DLGAP1: variants seen among roughly 807,000 people sequenced by gnomAD.
DLGAP1 encodes the protein DLG associated protein 1.
DLGAP1 carries 11 observed loss-of-function variants against 90.8 expected under a neutral mutation model. The observed-to-expected ratio is 0.12, with a 90% CI of 0.08 to 0.20. The LOEUF is 0.20. Ranked by LOEUF, DLGAP1 falls within the 10% of genes least tolerant of loss-of-function variation. The probability of loss-of-function intolerance (pLI) is 1.00; values close to 1 mark genes in which losing one functional copy is unlikely to be tolerated. For missense variants in DLGAP1, 1,050 were observed against 1,333.8 expected (o/e 0.79, Z 3.31); for synonymous variants, 558 against 540.7 (o/e 1.03, Z -0.44).
At chr18:4,259,402 A>T (rs1377686588) in intron 1 of DLGAP1, among the ~76,000 whole-genome samples, 1 of 152,236 alleles carries the variant, frequency 6.6e-6, no homozygotes, top group African/African-American at 2.4e-5. Context: ...CCTAACTCAT[A>T]CACAGATTGG....
intron 5 of DLGAP1, among the ~76,000 whole-genome samples, chr18:3,796,982 G>C (rs1234529198): frequency 6.6e-6 from 1 of 152,152 alleles, no homozygotes. Flanking sequence ...GAGGCAATTA[G>C]GTTTAGATGT....
Position 3,968,150 on chromosome 18 carries a change from T to C in DLGAP1, c.-73+36966A>G, listed in dbSNP as rs2073368500. ...TTAGATGAAGGAGACATAACTGCTC[T>C]AATCTGAGCATAAATTTACTGGGAC... On this transcript the variant is annotated intron_variant, in intron 3 of 12. Coordinates refer to ENST00000315677, the MANE Select transcript of DLGAP1 (RefSeq NM_004746.4). Among the ~76,000 whole-genome samples, 2 of 152,248 alleles carry C rather than the reference T, an allele frequency of 1.3e-5. 1 individual carries two copies. Among genetic ancestry groups the C allele is most frequent in the South Asian group, 4.1e-4 (2 of 4,834 alleles).
chr18:3,794,576 G>A (rs1460253581), intron 5 of DLGAP1, among the ~76,000 whole-genome samples: 3 of 152,202 alleles, frequency 2.0e-5, no homozygotes, highest in Non-Finnish European at 4.4e-5. Flanking sequence ...TATGTATAAA[G>A]AGAGCTTCTC....
chr18:3,515,468 C>CAAAAA (rs55870741), intron 10 of DLGAP1, among the ~76,000 whole-genome samples: 861 of 72,476 alleles, frequency 0.012, 29 homozygotes, highest in African/African-American at 0.016. Context: ...GATTCCATCT[C>CAAAAA]AAAAAAAAAA....
chr18:4,149,155 G>A (rs186260489), intron 2 of DLGAP1, among the ~76,000 whole-genome samples: 26 of 152,286 alleles, frequency 1.7e-4, no homozygotes, highest in African/African-American at 6.0e-4. Context: ...ATAATTAAAT[G>A]TTGTTATATT....
At chr18:3,938,267 C>A (rs552372173) in intron 3 of DLGAP1, among the ~76,000 whole-genome samples, 2 of 152,260 alleles carry the variant, frequency 1.3e-5, no homozygotes, top group South Asian at 4.1e-4. Context: ...CAGAAGAATG[C>A]ATGGGGGTTG....
intron 2 of DLGAP1, among the ~76,000 whole-genome samples, chr18:4,072,037 G>C (rs868673031): frequency 2.0e-5 from 3 of 152,160 alleles, no homozygotes; most frequent in African/African-American, 7.2e-5. Flanking sequence ...CTTGGTTCCT[G>C]TGGCTGCCTT....
chr18:3,706,544 T>C (rs1484700988), intron 7 of DLGAP1, among the ~76,000 whole-genome samples: 1 of 152,136 alleles, frequency 6.6e-6, no homozygotes, highest in Non-Finnish European at 1.5e-5. Flanking sequence ...GGATATAAAT[T>C]TTCTTACCCA....
rs1231668423 is a variant in DLGAP1, at chr18:3,724,808, C to T, written c.1591+4327G>A. ...TTCCCAGCTACCTGAGTTCAGGAGG[C>T]TGAGGTGGAGGATCGCAGTCCAGGA... On this transcript the variant is annotated intron_variant, in intron 7 of 12. Coordinates refer to ENST00000315677, the MANE Select transcript of DLGAP1 (RefSeq NM_004746.4). Among the ~76,000 whole-genome samples the T allele has an allele frequency of 4.6e-5, 7 of 151,482 alleles. No homozygotes were observed. The East Asian group carries it at 1.4e-3, about 29-fold the overall frequency.
intron 7 of DLGAP1, among the ~76,000 whole-genome samples, chr18:3,591,629 A>G (rs2056252947): frequency 6.6e-6 from 1 of 151,868 alleles, no homozygotes; most frequent in African/African-American, 2.4e-5. Flanking sequence ...CTGAAGCCCA[A>G]AAGATTGAGG....
intron 7 of DLGAP1, among the ~76,000 whole-genome samples, chr18:3,587,055 G>T (rs2055929082): frequency 2.6e-5 from 4 of 152,174 alleles, no homozygotes; most frequent in Admixed American, 1.3e-4. Flanking sequence ...ATTTGTTTAA[G>T]AGTGACGTTC....
intron 3 of DLGAP1, among the ~76,000 whole-genome samples, chr18:3,955,790 T>C (rs1332536543): frequency 6.6e-6 from 1 of 151,462 alleles, no homozygotes; most frequent in African/African-American, 2.4e-5. Context: ...AGAAAACTAG[T>C]ATGTGTGCAA....
intron 1 of DLGAP1, among the ~76,000 whole-genome samples, chr18:4,174,962 G>A (rs764030197): frequency 1.4e-4 from 22 of 152,138 alleles, no homozygotes; most frequent in African/African-American, 4.8e-4. Flanking sequence ...TGGCTCTGTA[G>A]TTTTCCACAG....
chr18:3,563,577 C>T (rs960959352), intron 9 of DLGAP1, among the ~76,000 whole-genome samples: 2 of 151,970 alleles, frequency 1.3e-5, no homozygotes, highest in East Asian at 1.9e-4. Flanking sequence ...TCAAGCAATT[C>T]TCCTACCTCA....
chr18:4,109,407 G>A (rs1271303543), intron 2 of DLGAP1, among the ~76,000 whole-genome samples: 3 of 152,098 alleles, frequency 2.0e-5, no homozygotes, highest in East Asian at 3.8e-4. Context: ...ACATCAGCGT[G>A]GGGCATTAGG....
At chr18:3,889,719 G>A (rs2071410272) in intron 3 of DLGAP1, among the ~76,000 whole-genome samples, 1 of 152,152 alleles carries the variant, frequency 6.6e-6, no homozygotes, top group African/African-American at 2.4e-5. Flanking sequence ...AGCCTTCACT[G>A]AGCTAATGAG....
intron 3 of DLGAP1, among the ~76,000 whole-genome samples, chr18:4,004,202 G>GT (rs1249005760): frequency 6.6e-6 from 1 of 152,170 alleles, no homozygotes; most frequent in East Asian, 1.9e-4. Context: ...TGTGGATGAT[G>GT]TATCTTCCAT....
chr18:3,931,615 C>A (rs1387718992), intron 3 of DLGAP1, among the ~76,000 whole-genome samples: 1 of 152,100 alleles, frequency 6.6e-6, no homozygotes, highest in African/African-American at 2.4e-5. Flanking sequence ...GCTCGTCTGG[C>A]CTTTGGAAAG....
intron 1 of DLGAP1, among the ~76,000 whole-genome samples, chr18:4,442,112 C>T (rs8092924): frequency 0.66 from 100,140 of 152,126 alleles, 33,361 homozygotes; most frequent in East Asian, 0.74. Context: ...CTGCCTCAGT[C>T]TCCCAAGTAG....
Sources: allele counts gnomAD v4.1 joint callset (sites outside exome capture counted in the v4.1 genomes callset), GRCh38; gene constraint gnomAD v4.1.1; transcripts MANE v1.5; gene names NCBI Gene and HGNC (gene_info 2026-07-23, HGNC 2026-07-21).